ABCC9: variants seen among roughly 807,000 people sequenced by gnomAD.
ABCC9 encodes the protein ATP binding cassette subfamily C member 9.
ABCC9 carries 95 observed loss-of-function variants against 188.3 expected under a neutral mutation model. That is an observed-to-expected ratio of 0.50 (90% CI 0.43 to 0.60). The LOEUF (loss-of-function observed/expected upper bound fraction) is 0.60, where lower values mean the gene tolerates loss of function less well. Ranked by LOEUF, ABCC9 falls within the 20% of genes least tolerant of loss-of-function variation. The pLI is 0.00. For missense variants in ABCC9, 1,102 were observed against 1,876.3 expected, an observed-to-expected ratio of 0.59 and a Z score of 7.62; for synonymous variants, 659 against 652.7, an observed-to-expected ratio of 1.01 and a Z score of -0.15.
intron 38 of ABCC9, among the ~76,000 whole-genome samples, chr12:21,806,579 T>C (rs1324411294): frequency 1.3e-5 from 2 of 152,130 alleles, no homozygotes; most frequent in African/African-American, 2.4e-5. Context: ...CTAGAGGAAA[T>C]CTTGGTTCAA....
chr12:21,887,372 A>C lies in ABCC9; in HGVS notation c.1911+454T>G, dbSNP rs76608229. On this transcript the variant is annotated intron_variant, in intron 15 of 39. Transcript: ENST00000261200. ...GACATGCAAAATAAAAAGAGCTAGA[A>C]AATAAAAAAGAGACAATGTAATGTA... 3.9e-5 allele frequency among the ~76,000 whole-genome samples: 6 copies of C among 152,300 alleles called. No individual in the cohort carries two copies. The East Asian group carries it at 1.2e-3, about 29-fold the overall frequency.
intron 12 of ABCC9, among the ~76,000 whole-genome samples, chr12:21,896,158 G>A (rs1237909844): frequency 7.0e-6 from 1 of 143,646 alleles, no homozygotes; most frequent in African/African-American, 2.6e-5. Flanking sequence ...CATTGTGCAG[G>A]TTAGTTACAT....
intron 7 of ABCC9, 100 bp downstream of exon 7, chr12:21,915,568 A>G (rs1948568756): frequency 2.6e-6 from 3 of 1,145,542 alleles, no homozygotes; most frequent in African/African-American, 1.8e-5. Context: ...GCTGGAGTGC[A>G]GTGGCCCAAT....
intron 7 of ABCC9, among the ~76,000 whole-genome samples, chr12:21,913,706 C>CTCATGGCT (rs1298999987): frequency 6.6e-6 from 1 of 152,100 alleles, no homozygotes; most frequent in Non-Finnish European, 1.5e-5. Flanking sequence ...CTTAAGTCAA[C>CTCATGGCT]TCATGGCTTC....
chr12:21,910,402 A>C, intron 9 of ABCC9, 90 bp from the exon 10 acceptor site: 1 of 1,349,700 alleles, frequency 7.4e-7, no homozygotes, highest in South Asian at 1.3e-5. Context: ...ACAAACATTT[A>C]ATTTTTTTGA....
chr12:21,911,326 T>G (rs111957539), intron 8 of ABCC9, among the ~76,000 whole-genome samples: 19 of 152,130 alleles, frequency 1.2e-4, no homozygotes, highest in African/African-American at 4.6e-4. Flanking sequence ...AATTGATAGT[T>G]GGCCAGCAAG....
Position 21,836,089 on chromosome 12 carries a change from C to T in ABCC9, c.3566+1989G>A, listed in dbSNP as rs1332500450. ...TATTCCTTAAATCTGTGCTTTCTCT[C>T]CCGGTCCTTAGTTCCTTATCCTGCC... On this transcript the variant is annotated intron_variant, in intron 30 of 39. Coordinates refer to ENST00000261200, the MANE Select transcript of ABCC9 (RefSeq NM_020297.4). 5.9e-5 allele frequency among the ~76,000 whole-genome samples: 9 copies of T among 152,258 alleles called. No homozygotes were observed. In the East Asian group the frequency reaches 1.4e-3, roughly 23 times the overall value.
At position 21,806,040 on chromosome 12, in the gene ABCC9, T is replaced by C. The variant is rs727505001; in HGVS notation, c.4470A>G (p.Val1490=). Residue 1490 remains valine (V), a synonymous_variant, in exon 39 of 40, where the codon GTA becomes GTG. Coordinates refer to ENST00000261200, the MANE Select transcript of ABCC9 (RefSeq NM_020297.4). Reference sequence around the variant, plus strand: ...TCCGGTCTGCAAAGGCTGTCATTACTACTTTTTGCAAAATATTCTCCTGCA... The same window carrying C: ...TCCGGTCTGCAAAGGCTGTCATTACCACTTTTTGCAAAATATTCTCCTGCA... The part of the protein sequence containing the change: ...DMATENILQK[V]VMTAFADRTV... The C allele has an allele frequency of 1.9e-6, 3 of 1,613,532 alleles. No homozygotes were observed. The African/African-American group carries it at 4.0e-5, about 22-fold the overall frequency.
At chr12:21,817,368 C>A in intron 32 of ABCC9, 61 bp from the exon 33 acceptor site, 1 of 1,567,446 alleles carries the variant, frequency 6.4e-7, no homozygotes, top group South Asian at 1.1e-5. Context: ...TGTGGTTAAT[C>A]ACCGGAAATT....
chr12:21,922,201 TGGA>T (rs1948849243), intron 5 of ABCC9, among the ~76,000 whole-genome samples: 2 of 152,084 alleles, frequency 1.3e-5, no homozygotes, highest in Non-Finnish European at 2.9e-5. Context: ...TCCATGAATA[TGGA>T]ATATCTTTCC....
At chr12:21,875,062 G>A (rs901733515) in intron 17 of ABCC9, among the ~76,000 whole-genome samples, 8 of 142,666 alleles carry the variant, frequency 5.6e-5, no homozygotes, top group African/African-American at 2.1e-4. Flanking sequence ...CATGTTAAGT[G>A]TTCTTCCCAC....
chr12:21,807,604 A>G, intron 37 of ABCC9, 125 bp from the exon 38 acceptor site: 1 of 1,310,396 alleles, frequency 7.6e-7, no homozygotes, highest in Non-Finnish European at 1.1e-6. Context: ...TGCTGGTGCA[A>G]GGACTTCATA....
intron 17 of ABCC9, among the ~76,000 whole-genome samples, chr12:21,874,447 T>C (rs1946240275): frequency 6.6e-6 from 1 of 152,172 alleles, no homozygotes; most frequent in Non-Finnish European, 1.5e-5. Context: ...GAAAACAGTA[T>C]AGAGGTTCCT....
chr12:21,854,359 G>T (rs978779181), intron 22 of ABCC9, among the ~76,000 whole-genome samples: 9 of 152,250 alleles, frequency 5.9e-5, no homozygotes, highest in Admixed American at 2.6e-4. Context: ...TTATGCAAAA[G>T]AAATATTAAC....
Position 21,852,031 on chromosome 12 carries a change from A to G in ABCC9, c.2769+66T>C, listed in dbSNP as rs1944995203. 8 of 1,580,106 alleles carry G rather than the reference A, an allele frequency of 5.1e-6. No homozygotes were observed. In the South Asian group the frequency reaches 9.0e-5, roughly 18 times the overall value. Reference sequence around the variant, plus strand: ...TGGTAATTTTTTAAAAAGCATTCTTAGTAATTAGTAAATTTCTAACTCTTC... The same window carrying G: ...TGGTAATTTTTTAAAAAGCATTCTTGGTAATTAGTAAATTTCTAACTCTTC... On this transcript the variant is annotated intron_variant, in intron 24 of 39. Coordinates refer to ENST00000261200, the MANE Select transcript of ABCC9 (RefSeq NM_020297.4).
chr12:21,845,748 C>T lies in ABCC9; in HGVS notation c.2951G>A (p.Arg984His), dbSNP rs148752791. The change falls in exon 26 of 40, where the codon CGC becomes CAC. Residue 984 changes from arginine (R) to histidine (H), a missense_variant. By Grantham distance (29) the Arg-to-His change is conservative. Coordinates refer to ENST00000261200, the MANE Select transcript of ABCC9 (RefSeq NM_020297.4). Reference sequence around the variant, plus strand: ...GAAGAATCCTCCAGATGTCAGGTAGCGCCAGCAGGTTTTCCATGGCATTTT... The same window carrying T: ...GAAGAATCCTCCAGATGTCAGGTAGTGCCAGCAGGTTTTCCATGGCATTTT... ...RTKMPWKTCWRYLTSGGFFLL... is the reference protein window; with the variant it reads ...RTKMPWKTCWHYLTSGGFFLL... The T allele has an allele frequency of 5.6e-6, 9 of 1,613,854 alleles. No individual in the cohort carries two copies. Among genetic ancestry groups the T allele is most frequent in the East Asian group, 2.2e-5 (1 of 44,862 alleles).
chr12:21,843,020 A>G (rs895672800), intron 28 of ABCC9, among the ~76,000 whole-genome samples: 12 of 152,080 alleles, frequency 7.9e-5, no homozygotes, highest in Non-Finnish European at 1.6e-4. Context: ...ATTTAAATTT[A>G]CCTTTGGTGC....
At chr12:21,825,401 C>A (rs921876659) in intron 31 of ABCC9, among the ~76,000 whole-genome samples, 2 of 152,174 alleles carry the variant, frequency 1.3e-5, no homozygotes, top group African/African-American at 4.8e-5. Flanking sequence ...CCCAAATGCC[C>A]ATCAATGATA....
chr12:21,914,585 T>C (rs990174692), intron 7 of ABCC9, among the ~76,000 whole-genome samples: 6 of 152,190 alleles, frequency 3.9e-5, no homozygotes, highest in African/African-American at 7.2e-5. Context: ...ATTTTACCTC[T>C]TTATATAACA....
Sources: gnomAD v4.1 joint callset for allele counts (sites outside exome capture counted in the v4.1 genomes callset) on GRCh38, gnomAD v4.1.1 for gene constraint, MANE v1.5 for transcripts, NCBI Gene and HGNC (gene_info 2026-07-23, HGNC 2026-07-21) for gene names.